Variants in CLDN11 observed in about 807,000 individuals in gnomAD.
The protein encoded by CLDN11 is claudin 11.
In CLDN11, 1 loss-of-function variant was observed where a neutral mutation model predicts 18.0. The observed-to-expected ratio is 0.06, with a 90% CI of 0.02 to 0.26. CLDN11 has a LOEUF of 0.26. CLDN11 is among the 10% of genes least tolerant of loss of function. The probability of loss-of-function intolerance (pLI) is 1.00; values close to 1 mark genes in which losing one functional copy is unlikely to be tolerated. For missense variants in CLDN11, 172 were observed against 276.6 expected (o/e 0.62, Z 2.68); for synonymous variants, 116 against 121.5 (o/e 0.96, Z 0.30).
rs1739077174 is a variant in CLDN11 at position 170,434,137 on chromosome 3, T to C, written c.*1381T>C. ...CTTCTGTTGTATCCAGAGGTATCAT[T>C]ATTGATTTAAAAAAATCTCATTAAT... On this transcript the variant is annotated 3_prime_UTR_variant, in exon 3 of 3. Transcript: ENST00000064724. The C allele has an allele frequency of 6.6e-6, 1 of 152,538 alleles. No individual in the cohort carries two copies. Among genetic ancestry groups the C allele is most frequent in the African/African-American group, 2.4e-5 (1 of 41,338 alleles). The allele number at this position is 152,538 out of a possible 1,614,324, so 9.4% of individuals were successfully genotyped here. A position where few individuals can be genotyped will look rare whatever the true frequency, so the allele number is the denominator to read the frequency against.
In CLDN11 at chr3:170,432,560, TGTGCGCCCACC is replaced by T. The variant is rs1221256011; in HGVS notation, c.432_442del (p.Cys144Ter). ...CTTGTTGCCACCATCTGGTTCCCTG[TGTGCGCCCACC>T]GTGAGACCACCATCGTGAGCTTTGG... is the stretch of plus-strand genomic sequence containing the variant. On this transcript the variant is annotated frameshift_variant, in exon 3 of 3. Coordinates refer to ENST00000064724, the MANE Select transcript of CLDN11 (RefSeq NM_005602.6). LOFTEE classifies it high-confidence loss of function. 6.2e-7 allele frequency: 1 copy of T among 1,612,252 alleles called. No homozygotes were observed. Among genetic ancestry groups the T allele is most frequent in the Admixed American group, 1.7e-5 (1 of 59,890 alleles).
rs1560236651 is a variant in CLDN11, at chr3:170,433,046, T to C, written c.*290T>C. 5.6e-6 allele frequency: 1 copy of C among 177,310 alleles called. No individual in the cohort carries two copies. The highest frequency in any genetic ancestry group is 6.2e-5 in the Admixed American group (1 of 16,082). The allele number at this position is 177,310 out of a possible 1,614,324, so 11.0% of individuals were successfully genotyped here. ...CTTTTGCTGTTTATTAAAAATATAT[T>C]ATATATATTTTGTTTCTTTAAATTT... On this transcript the variant is annotated 3_prime_UTR_variant, in exon 3 of 3. Transcript: ENST00000064724.
intron 2 of CLDN11, among the ~76,000 whole-genome samples, chr3:170,428,509 A>G (rs769168339): frequency 7.9e-5 from 12 of 152,232 alleles, no homozygotes; most frequent in Non-Finnish European, 1.3e-4. Context: ...GGGGCAAACA[A>G]TTTTATTCTT....
At chr3:170,430,241 T>C (rs1376529166) in intron 2 of CLDN11, among the ~76,000 whole-genome samples, 2 of 152,216 alleles carry the variant, frequency 1.3e-5, no homozygotes, top group Non-Finnish European at 2.9e-5. Flanking sequence ...TCTCTGTGTC[T>C]TGCTGAAAGT....
chr3:170,421,087 G>A (rs1470830548), intron 1 of CLDN11: 1 of 149,200 alleles, frequency 6.7e-6, no homozygotes, highest in East Asian at 2.0e-4. Flanking sequence ...TGAGCATTCA[G>A]TGCCAAGTGG....
intron 2 of CLDN11, among the ~76,000 whole-genome samples, chr3:170,430,702 G>C (rs1307717135): frequency 7.2e-6 from 1 of 139,258 alleles, no homozygotes; most frequent in Non-Finnish European, 1.7e-5. Flanking sequence ...CACCATCCAT[G>C]CCTGGCTAAT....
chr3:170,432,520 C>T lies in CLDN11; in HGVS notation c.392-4C>T, dbSNP rs1739024285. On this transcript the variant is annotated splice_polypyrimidine_tract_variant and splice_region_variant and intron_variant, in intron 2 of 2. Coordinates refer to ENST00000064724, the MANE Select transcript of CLDN11 (RefSeq NM_005602.6). ...CCAGTCACCGCCTCTCCATGTCTCT[C>T]CAGCTCTCTGCGCCCTTGTTGCCAC... is the stretch of plus-strand genomic sequence containing the variant. 1 of 1,611,910 alleles carries T rather than the reference C, an allele frequency of 6.2e-7. No homozygotes were observed. The highest frequency in any genetic ancestry group is 8.5e-7 in the Non-Finnish European group (1 of 1,180,040).
intron 2 of CLDN11, among the ~76,000 whole-genome samples, chr3:170,424,985 T>G (rs781326712): frequency 2.0e-5 from 3 of 151,962 alleles, no homozygotes; most frequent in Non-Finnish European, 4.4e-5. Context: ...GCCACTAATT[T>G]CCAGAGAAAA....
chr3:170,424,595 T>C (rs1333726158), intron 2 of CLDN11, among the ~76,000 whole-genome samples: 2 of 152,218 alleles, frequency 1.3e-5, no homozygotes, highest in East Asian at 3.9e-4. Flanking sequence ...TAATAGACAA[T>C]ATGAATTTTA....
At position 170,434,109 on chromosome 3, in the gene CLDN11, A is replaced by G. The variant is rs1739076661; in HGVS notation, c.*1353A>G. 1 of 152,646 alleles carries G rather than the reference A, an allele frequency of 6.6e-6. No homozygotes were observed. Among genetic ancestry groups the G allele is most frequent in the Non-Finnish European group, 1.5e-5 (1 of 68,040 alleles). The allele number at this position is 152,646 out of a possible 1,614,324, so 9.5% of individuals were successfully genotyped here. On this transcript the variant is annotated 3_prime_UTR_variant, in exon 3 of 3. Transcript: ENST00000064724. Reference sequence around the variant, plus strand: ...CAGACTGTCTGCAAAACTGGCCTTCAATCTTCTGTTGTATCCAGAGGTATC... The same window carrying G: ...CAGACTGTCTGCAAAACTGGCCTTCGATCTTCTGTTGTATCCAGAGGTATC...
intron 2 of CLDN11, among the ~76,000 whole-genome samples, chr3:170,429,375 A>G (rs1329439308): frequency 6.6e-6 from 1 of 152,180 alleles, no homozygotes; most frequent in Non-Finnish European, 1.5e-5. Context: ...GAATTGTAAG[A>G]GAAGGAAATC....
chr3:170,427,575 C>A (rs904784285), intron 2 of CLDN11, among the ~76,000 whole-genome samples: 1 of 151,976 alleles, frequency 6.6e-6, no homozygotes, highest in African/African-American at 2.4e-5. Context: ...GAGCCGAGAT[C>A]GCACCATTGC....
chr3:170,420,451 C>T (rs1738697319), intron 1 of CLDN11, among the ~76,000 whole-genome samples: 1 of 152,210 alleles, frequency 6.6e-6, no homozygotes, highest in South Asian at 2.1e-4. Context: ...CGCCCTATTT[C>T]CGGTCCTCGC....
rs1739069782 is a variant in CLDN11 at position 170,433,778 on chromosome 3, A to G, written c.*1022A>G. On this transcript the variant is annotated 3_prime_UTR_variant, in exon 3 of 3. Coordinates refer to ENST00000064724, the MANE Select transcript of CLDN11 (RefSeq NM_005602.6). ...ACATAGACTTTATGCAATAAATAAC[A>G]GTGCAAGTGAGTATAACTCTAACTG... 1 of 152,684 alleles carries G rather than the reference A, an allele frequency of 6.5e-6. No individual in the cohort carries two copies. Among genetic ancestry groups the G allele is most frequent in the Non-Finnish European group, 1.5e-5 (1 of 68,052 alleles). 9.5% of individuals were successfully genotyped at this position (152,684 alleles called of 1,614,324 possible). A position where few individuals can be genotyped will look rare whatever the true frequency, so the allele number is the denominator to read the frequency against.
In CLDN11 at chr3:170,420,609, T is replaced by C. The variant is rs549111553; in HGVS notation, c.226+1317T>C. 4.6e-5 allele frequency among the ~76,000 whole-genome samples: 7 copies of C among 152,344 alleles called. No homozygotes were observed. The East Asian group carries it at 9.6e-4, about 21-fold the overall frequency. On this transcript the variant is annotated intron_variant, in intron 1 of 2. Transcript: ENST00000064724. ...AAATTCCTTGAAGATAGAGATGGCG[T>C]CCTGTTATTCTCTTTGCTTCCTCTT...
In CLDN11 at chr3:170,419,403, G is replaced by A; in HGVS notation, c.226+111G>A. 1 of 724,840 alleles carries A rather than the reference G, an allele frequency of 1.4e-6. No homozygotes were observed. The highest frequency in any genetic ancestry group is 2.3e-6 in the Non-Finnish European group (1 of 444,278). The allele number at this position is 724,840 out of a possible 1,614,324, so 44.9% of individuals were successfully genotyped here. ...TGGGGGCTTGAAGACCTTTGGGTAC[G>A]TTTTTGACATCCCTAGTCCCACCTT... On this transcript the variant is annotated intron_variant, in intron 1 of 2. Coordinates refer to ENST00000064724, the MANE Select transcript of CLDN11 (RefSeq NM_005602.6). This position sits in a 1 kb window ranked among gnomAD's most constrained non-coding sequence, Gnocchi z 8.6.
chr3:170,426,482 G>A (rs1158714489), intron 2 of CLDN11, among the ~76,000 whole-genome samples: 1 of 152,160 alleles, frequency 6.6e-6, no homozygotes, highest in Non-Finnish European at 1.5e-5. Flanking sequence ...TGAATTGTGT[G>A]ATCTTATCAG....
At chr3:170,430,988 A>G (rs555953737) in intron 2 of CLDN11, among the ~76,000 whole-genome samples, 1 of 152,330 alleles carries the variant, frequency 6.6e-6, no homozygotes, top group East Asian at 1.9e-4. Context: ...TTAAGGATAG[A>G]AATCATATCT....
At chr3:170,420,022 C>A (rs967367811) in intron 1 of CLDN11, among the ~76,000 whole-genome samples, 6 of 152,224 alleles carry the variant, frequency 3.9e-5, no homozygotes, top group African/African-American at 1.4e-4. Flanking sequence ...GACGAGCGGG[C>A]GCTCCTCGGA....
Sources: allele counts gnomAD v4.1 joint callset (sites outside exome capture counted in the v4.1 genomes callset), GRCh38; gene constraint gnomAD v4.1.1; non-coding constraint Gnocchi (gnomAD v3.1); transcripts MANE v1.5; gene names NCBI Gene and HGNC (gene_info 2026-07-23, HGNC 2026-07-21).